The following KPNA4 variants were observed in gnomAD, a reference collection of about 807,000 sequenced individuals.
The protein encoded by KPNA4 is importin subunit alpha-3.
A neutral mutation model predicts 71.3 loss-of-function variants in KPNA4; 13 were observed. The ratio of observed to expected loss-of-function variants is 0.18; its 90% confidence interval spans 0.12 to 0.29. KPNA4 has a LOEUF of 0.29. KPNA4 is among the 10% of genes least tolerant of loss of function. The pLI, the probability that KPNA4 is intolerant of heterozygous loss-of-function variation, is 1.00. For missense variants in KPNA4, 334 were observed against 603.2 expected, an observed-to-expected ratio of 0.55 and a Z score of 4.67; for synonymous variants, 189 against 195.2, an observed-to-expected ratio of 0.97 and a Z score of 0.26.
chr3:160,512,623 G>C (rs1183045736), intron 13 of KPNA4, among the ~76,000 whole-genome samples: 1 of 152,170 alleles, frequency 6.6e-6, no homozygotes, highest in Non-Finnish European at 1.5e-5. Context: ...CTTGAGGTGG[G>C]GAGTTGGAGA....
At chr3:160,544,959 G>A (rs1002979973) in intron 1 of KPNA4, among the ~76,000 whole-genome samples, 1 of 152,174 alleles carries the variant, frequency 6.6e-6, no homozygotes, top group African/African-American at 2.4e-5. Context: ...TGTAACTGGA[G>A]AGAATAGAAA....
intron 1 of KPNA4, among the ~76,000 whole-genome samples, chr3:160,562,699 T>C (rs769231979): frequency 2.6e-4 from 40 of 152,224 alleles, no homozygotes; most frequent in Non-Finnish European, 1.2e-4. Context: ...GTTATTTCCT[T>C]AGGTGGAAGT....
At chr3:160,505,874 T>A (rs1720973475) in intron 15 of KPNA4, among the ~76,000 whole-genome samples, 1 of 152,212 alleles carries the variant, frequency 6.6e-6, no homozygotes, top group Non-Finnish European at 1.5e-5. Context: ...CTAAAATGCT[T>A]GTGTAATTCT....
chr3:160,557,229 C>G (rs114422610), intron 1 of KPNA4, among the ~76,000 whole-genome samples: 1 of 152,078 alleles, frequency 6.6e-6, no homozygotes, highest in Admixed American at 6.5e-5. Flanking sequence ...AGAGGAAGAA[C>G]AGGTGGCAAA....
At chr3:160,539,293 A>G (rs1341066305) in intron 1 of KPNA4, among the ~76,000 whole-genome samples, 1 of 152,256 alleles carries the variant, frequency 6.6e-6, no homozygotes, top group Non-Finnish European at 1.5e-5. Context: ...CAATGTTAAA[A>G]TAACAAAATA....
At chr3:160,524,509 T>C (rs1176419504) in intron 10 of KPNA4, among the ~76,000 whole-genome samples, 1 of 151,972 alleles carries the variant, frequency 6.6e-6, no homozygotes, top group Admixed American at 6.6e-5. Flanking sequence ...GCCTGGCTAA[T>C]TTTTTGGTAT....
intron 11 of KPNA4, among the ~76,000 whole-genome samples, chr3:160,521,233 A>G (rs1382630938): frequency 6.6e-6 from 1 of 152,192 alleles, no homozygotes; most frequent in African/African-American, 2.4e-5. Flanking sequence ...GTAGGAAAAA[A>G]TAAGTGTCTG....
chr3:160,547,209 A>C (rs1488297859), intron 1 of KPNA4, among the ~76,000 whole-genome samples: 1 of 152,180 alleles, frequency 6.6e-6, no homozygotes, highest in East Asian at 1.9e-4. Context: ...TTTTTTGAAG[A>C]AATAAAAATC....
intron 1 of KPNA4, among the ~76,000 whole-genome samples, chr3:160,554,087 A>C (rs913853096): frequency 6.6e-6 from 1 of 152,224 alleles, no homozygotes; most frequent in African/African-American, 2.4e-5. Flanking sequence ...GGTAGAAGGG[A>C]AAGTCAGTGA....
chr3:160,518,899 C>A (rs1210505316), intron 11 of KPNA4, among the ~76,000 whole-genome samples: 1 of 152,106 alleles, frequency 6.6e-6, no homozygotes, highest in African/African-American at 2.4e-5. Context: ...TCATAAAATG[C>A]ATAGGTTTAT....
At chr3:160,515,710 G>T in intron 11 of KPNA4, 130 bp from the exon 12 acceptor site, 4 of 967,868 alleles carry the variant, frequency 4.1e-6, no homozygotes, top group Non-Finnish European at 6.0e-6. Context: ...TGCCTCTCAG[G>T]CTCAAGTGAT....
At chr3:160,560,363 A>G (rs1722219055) in intron 1 of KPNA4, among the ~76,000 whole-genome samples, 1 of 152,086 alleles carries the variant, frequency 6.6e-6, no homozygotes, top group Non-Finnish European at 1.5e-5. Flanking sequence ...CATATACAGT[A>G]GGTGCTCAGA....
In KPNA4 at chr3:160,548,588, A is replaced by AT. The variant is rs142235155; in HGVS notation, c.70-11749dup. 3.2e-4 allele frequency among the ~76,000 whole-genome samples: 48 copies of AT among 152,308 alleles called. No individual in the cohort carries two copies. In the East Asian group the frequency reaches 6.6e-3, roughly 21 times the overall value. On this transcript the variant is annotated intron_variant, in intron 1 of 16. Transcript: ENST00000334256. ...GTGTGACTGGCATATTTCGCTTGGCATAATGCTTATGGTTCATCCATGTTG... is the reference window on the plus strand; with the variant it reads ...GTGTGACTGGCATATTTCGCTTGGCATTAATGCTTATGGTTCATCCATGTTG...
At chr3:160,505,452 A>T (rs1408445350) in intron 15 of KPNA4, among the ~76,000 whole-genome samples, 1 of 152,196 alleles carries the variant, frequency 6.6e-6, no homozygotes, top group Non-Finnish European at 1.5e-5. Context: ...AATTTAAAAT[A>T]CTGGTGATTA....
chr3:160,524,803 T>C (rs1198477289), intron 10 of KPNA4, among the ~76,000 whole-genome samples: 2 of 152,234 alleles, frequency 1.3e-5, no homozygotes, highest in African/African-American at 4.8e-5. Flanking sequence ...ATCATGTTCA[T>C]CTAATGAATT....
chr3:160,525,520 A>T (rs1442033859), intron 10 of KPNA4, among the ~76,000 whole-genome samples: 1 of 152,210 alleles, frequency 6.6e-6, no homozygotes, highest in African/African-American at 2.4e-5. Context: ...CAGTTTTTAT[A>T]ACACTAATAT....
intron 5 of KPNA4, among the ~76,000 whole-genome samples, chr3:160,534,741 G>GTGTT (rs1721650580): frequency 1.1e-5 from 1 of 88,970 alleles, no homozygotes; most frequent in Non-Finnish European, 2.6e-5. Context: ...AAAAAGAAAT[G>GTGTT]TTCAAACAAC....
intron 1 of KPNA4, among the ~76,000 whole-genome samples, chr3:160,548,752 C>A (rs570894515): frequency 3.9e-5 from 6 of 152,128 alleles, no homozygotes; most frequent in Non-Finnish European, 1.5e-5. Context: ...CTACTATAAA[C>A]TAGAGTGTAC....
At chr3:160,534,165 C>G (rs934553744) in intron 5 of KPNA4, among the ~76,000 whole-genome samples, 4 of 152,192 alleles carry the variant, frequency 2.6e-5, no homozygotes, top group Non-Finnish European at 5.9e-5. Flanking sequence ...TCGTGCAGCA[C>G]TGGATAAGGT....
Sources: gnomAD v4.1 joint callset for allele counts (sites outside exome capture counted in the v4.1 genomes callset) on GRCh38, gnomAD v4.1.1 for gene constraint, MANE v1.5 for transcripts, NCBI Gene and HGNC (gene_info 2026-07-23, HGNC 2026-07-21) for gene names.